MTHFD2L: variants seen among roughly 807,000 people sequenced by gnomAD.
The protein encoded by MTHFD2L is methylenetetrahydrofolate dehydrogenase (NADP+ dependent) 2 like.
A neutral mutation model predicts 34.9 loss-of-function variants in MTHFD2L; 29 were observed. The ratio of observed to expected loss-of-function variants is 0.83; its 90% confidence interval spans 0.62 to 1.13. The LOEUF (loss-of-function observed/expected upper bound fraction) is 1.13. Ranked by LOEUF, MTHFD2L falls within the 50% of genes most tolerant of loss-of-function variation. The pLI is 0.00. For missense variants in MTHFD2L, 481 were observed against 446.5 expected (o/e 1.08, Z -0.70); for synonymous variants, 167 against 155.7 (o/e 1.07, Z -0.54).
At chr4:74,152,686 C>G (rs1236256466) in intron 1 of MTHFD2L, among the ~76,000 whole-genome samples, 1 of 152,042 alleles carries the variant, frequency 6.6e-6, no homozygotes, top group Non-Finnish European at 1.5e-5. Flanking sequence ...GTCTCCACCC[C>G]CTGACAGGCC....
intron 5 of MTHFD2L, among the ~76,000 whole-genome samples, chr4:74,206,095 G>T (rs993733622): frequency 6.6e-6 from 1 of 151,120 alleles, no homozygotes; most frequent in African/African-American, 2.4e-5. Flanking sequence ...CAAGAGCAAG[G>T]CCTGGTAGAA....
chr4:74,218,036 A>G (rs1246509981), intron 5 of MTHFD2L, among the ~76,000 whole-genome samples: 1 of 152,138 alleles, frequency 6.6e-6, no homozygotes, highest in African/African-American at 2.4e-5. Flanking sequence ...GGAACCTAGC[A>G]CACTGTATTG....
intron 1 of MTHFD2L, among the ~76,000 whole-genome samples, chr4:74,126,922 C>G (rs761692026): frequency 6.6e-5 from 10 of 151,976 alleles, no homozygotes; most frequent in Admixed American, 2.0e-4. Context: ...GAGGAAGGGA[C>G]CCGGTGGGAG....
At chr4:74,167,983 C>T (rs1727105356) in intron 1 of MTHFD2L, among the ~76,000 whole-genome samples, 2 of 152,144 alleles carry the variant, frequency 1.3e-5, no homozygotes, top group African/African-American at 4.8e-5. Flanking sequence ...CAGAATCAGA[C>T]TACTTAGCAC....
chr4:74,181,334 A>T (rs958092400), intron 3 of MTHFD2L, among the ~76,000 whole-genome samples: 5 of 152,210 alleles, frequency 3.3e-5, no homozygotes, highest in African/African-American at 1.2e-4. Flanking sequence ...TGTACTATTT[A>T]CTAATGCCAA....
At chr4:74,175,486 A>G in intron 3 of MTHFD2L, 83 bp downstream of exon 3, 2 of 1,346,044 alleles carry the variant, frequency 1.5e-6, no homozygotes, top group Non-Finnish European at 2.0e-6. Context: ...TGATACTGCA[A>G]GTAATTTATA....
At position 74,178,420 on chromosome 4, in the gene MTHFD2L, T is replaced by C. The variant is rs189903687; in HGVS notation, c.451+3017T>C. 3.9e-5 allele frequency among the ~76,000 whole-genome samples: 6 copies of C among 152,204 alleles called. No individual in the cohort carries two copies. The East Asian group carries it at 9.6e-4, about 24-fold the overall frequency. On this transcript the variant is annotated intron_variant, in intron 3 of 7. Coordinates refer to ENST00000325278, the MANE Select transcript of MTHFD2L (RefSeq NM_001144978.3). ...GTCACAGATTTCTAACTACGTTGGA[T>C]TTTATATCTGTAGAAATTTTACCCC...
chr4:74,159,441 A>G (rs1352759655), intron 1 of MTHFD2L, among the ~76,000 whole-genome samples: 1 of 152,222 alleles, frequency 6.6e-6, no homozygotes, highest in Non-Finnish European at 1.5e-5. Context: ...GTCACTCTAA[A>G]TTACTTGTTT....
intron 1 of MTHFD2L, among the ~76,000 whole-genome samples, chr4:74,168,643 C>T (rs533813332): frequency 4.5e-4 from 68 of 152,278 alleles, no homozygotes; most frequent in African/African-American, 1.6e-3. Context: ...GTTTTCAGCA[C>T]ATAGGAGACT....
At chr4:74,254,491 C>T (rs887403885) in intron 6 of MTHFD2L, among the ~76,000 whole-genome samples, 2 of 150,502 alleles carry the variant, frequency 1.3e-5, no homozygotes, top group South Asian at 4.3e-4. Flanking sequence ...ATTCAAAGTG[C>T]TAAATAAAAA....
intron 6 of MTHFD2L, among the ~76,000 whole-genome samples, chr4:74,260,965 G>A: frequency 6.7e-6 from 1 of 149,260 alleles, no homozygotes. Context: ...ATCAATATTT[G>A]GTGCTTTAAA....
chr4:74,265,078 T>A (rs2110231985), intron 6 of MTHFD2L, among the ~76,000 whole-genome samples: 1 of 152,280 alleles, frequency 6.6e-6, no homozygotes, highest in Admixed American at 6.5e-5. Flanking sequence ...TTTTTTTTAC[T>A]TCATGCTATT....
chr4:74,293,785 T>G (rs1461682524), intron 7 of MTHFD2L: 1 of 152,270 alleles, frequency 6.6e-6, no homozygotes, highest in African/African-American at 2.4e-5. Context: ...TTTTTCTGGT[T>G]GTTATTCCTG....
intron 5 of MTHFD2L, among the ~76,000 whole-genome samples, chr4:74,211,353 G>A (rs770831426): frequency 4.5e-4 from 68 of 152,086 alleles, no homozygotes; most frequent in African/African-American, 7.5e-4. Flanking sequence ...TTTGAGATAC[G>A]TTCCATCAAT....
upstream of MTHFD2L, among the ~76,000 whole-genome samples, chr4:74,120,762 T>A (rs955479243): frequency 1.3e-5 from 2 of 152,226 alleles, no homozygotes; most frequent in Admixed American, 1.3e-4. Context: ...CTTATATACA[T>A]AAGTGAGATG....
intron 6 of MTHFD2L, among the ~76,000 whole-genome samples, chr4:74,273,112 C>T (rs1325972520): frequency 6.6e-6 from 1 of 152,182 alleles, no homozygotes; most frequent in African/African-American, 2.4e-5. Flanking sequence ...ATGGGTTTTA[C>T]ATTCCTAAAA....
At chr4:74,193,085 T>A (rs2110028414) in intron 3 of MTHFD2L, among the ~76,000 whole-genome samples, 1 of 152,322 alleles carries the variant, frequency 6.6e-6, no homozygotes, top group African/African-American at 2.4e-5. Flanking sequence ...TTAACTTTTA[T>A]GTTTAGATTT....
upstream of MTHFD2L, among the ~76,000 whole-genome samples, chr4:74,120,079 T>A (rs1328289631): frequency 6.6e-6 from 1 of 152,262 alleles, no homozygotes; most frequent in Non-Finnish European, 1.5e-5. Flanking sequence ...TCATTCGTAG[T>A]GGCTAACCAC....
chr4:74,243,001 A>C (rs2110174911), intron 6 of MTHFD2L, among the ~76,000 whole-genome samples: 1 of 152,354 alleles, frequency 6.6e-6, no homozygotes, highest in South Asian at 2.1e-4. Flanking sequence ...ATAGACACTA[A>C]TCAAATGACA....
Sources: gnomAD v4.1 joint callset for allele counts (sites outside exome capture counted in the v4.1 genomes callset) on GRCh38, gnomAD v4.1.1 for gene constraint, MANE v1.5 for transcripts, NCBI Gene and HGNC (gene_info 2026-07-23, HGNC 2026-07-21) for gene names.